Variants in RHOH observed in about 807,000 individuals in gnomAD.
RHOH encodes rho-related GTP-binding protein RhoH.
A neutral mutation model predicts 13.8 loss-of-function variants in RHOH; 6 were observed. The observed-to-expected ratio is 0.44, with a 90% CI of 0.24 to 0.86. RHOH has a LOEUF of 0.86. RHOH is among the 40% of genes least tolerant of loss of function. RHOH has a pLI of 0.24. For missense variants in RHOH, 147 were observed against 244.5 expected (o/e 0.60, Z 2.66); for synonymous variants, 117 against 103.0 (o/e 1.14, Z -0.82).
At chr4:40,193,383 C>T (rs372496109), upstream of RHOH, among the ~76,000 whole-genome samples, 3 of 151,892 alleles carry the variant, frequency 2.0e-5, no homozygotes, top group African/African-American at 7.2e-5. Flanking sequence ...GGCTTGGGTG[C>T]GTGTATGTCT....
At chr4:40,235,601 A>AG (rs1433472188) in intron 1 of RHOH, among the ~76,000 whole-genome samples, 1 of 147,906 alleles carries the variant, frequency 6.8e-6, no homozygotes, top group Non-Finnish European at 1.5e-5. Flanking sequence ...AAAAAAAAAA[A>AG]AAAAAAAGAA....
chr4:40,224,995 G>T (rs1439429730), intron 1 of RHOH, among the ~76,000 whole-genome samples: 1 of 152,072 alleles, frequency 6.6e-6, no homozygotes, highest in Non-Finnish European at 1.5e-5. Flanking sequence ...CTGCAGCCTT[G>T]ATCTCCTGGG....
At position 40,243,967 on chromosome 4, in the gene RHOH, C is replaced by A; in HGVS notation, c.*5C>A. ...AATGAGTGCAAGATCTTCTAAACCC[C>A]AAGAGACTTCACACAACACTTATGT... On this transcript the variant is annotated 3_prime_UTR_variant, in exon 3 of 3. Transcript: ENST00000381799. This position sits in a 1 kb window ranked among gnomAD's most constrained non-coding sequence, Gnocchi z 6.2. The A allele has an allele frequency of 6.2e-7, 1 of 1,602,810 alleles. No individual in the cohort carries two copies. The highest frequency in any genetic ancestry group is 1.7e-5 in the Admixed American group (1 of 58,708).
At chr4:40,193,273 A>G (rs945389512), upstream of RHOH, 1 of 152,052 alleles carries the variant, frequency 6.6e-6, no homozygotes, top group Non-Finnish European at 1.5e-5. Context: ...CGAACTGTGG[A>G]CCCATGGTTT....
At position 40,243,494 on chromosome 4, in the gene RHOH, A is replaced by G. The variant is rs1445184417; in HGVS notation, c.108A>G (p.Thr36=). Residue 36 remains threonine (T), a synonymous_variant, in exon 3 of 3, where the codon ACA becomes ACG. Transcript: ENST00000381799. This position sits in a 1 kb window ranked among gnomAD's most constrained non-coding sequence, Gnocchi z 6.2. ...CCTTCCCGGAGGCCTACAAGCCCAC[A>G]GTGTACGAGAACACAGGGGTGGACG... The part of the protein sequence containing the change: ...SETFPEAYKP[T]VYENTGVDVF... 2 of 1,613,670 alleles carry G rather than the reference A, an allele frequency of 1.2e-6. No homozygotes were observed. The highest frequency in any genetic ancestry group is 1.7e-6 in the Non-Finnish European group (2 of 1,179,960).
chr4:40,194,353 C>G (rs1171973412), upstream of RHOH, among the ~76,000 whole-genome samples: 2 of 152,016 alleles, frequency 1.3e-5, no homozygotes, highest in Non-Finnish European at 2.9e-5. Flanking sequence ...CTCAGCCTCT[C>G]GAGTAGCTGG....
chr4:40,221,411 G>C (rs868513927), intron 1 of RHOH, among the ~76,000 whole-genome samples: 1 of 152,170 alleles, frequency 6.6e-6, no homozygotes, highest in Non-Finnish European at 1.5e-5. Context: ...TGTTGAGCGA[G>C]TCTATCGGCA....
intron 1 of RHOH, among the ~76,000 whole-genome samples, chr4:40,219,894 G>A (rs978550879): frequency 6.6e-6 from 1 of 152,136 alleles, no homozygotes; most frequent in Non-Finnish European, 1.5e-5. Context: ...ATATAAAAAT[G>A]TGTGTGTAAT....
intron 1 of RHOH, among the ~76,000 whole-genome samples, chr4:40,208,804 C>T (rs1724937718): frequency 6.6e-6 from 1 of 151,870 alleles, no homozygotes; most frequent in African/African-American, 2.4e-5. Flanking sequence ...CTTAAAATGC[C>T]CAACAGAAAT....
rs969261660 is a variant in RHOH at position 40,242,788 on chromosome 4, T to A, written c.-256T>A. On this transcript the variant is annotated 5_prime_UTR_variant, in exon 2 of 3. Transcript: ENST00000381799. Reference sequence around the variant, plus strand: ...TCGGGGCCTTTGCCACTTCTTGGAGTAGAAGCCGACAGAGAGCTGTTTGGA... The same window carrying A: ...TCGGGGCCTTTGCCACTTCTTGGAGAAGAAGCCGACAGAGAGCTGTTTGGA... 5.9e-5 allele frequency: 9 copies of A among 152,236 alleles called. No homozygotes were observed. Among genetic ancestry groups the A allele is most frequent in the Admixed American group, 4.6e-4 (7 of 15,264 alleles). The allele number at this position is 152,236 out of a possible 1,614,324, so 9.4% of individuals were successfully genotyped here.
chr4:40,195,427 C>T (rs1723047750), upstream of RHOH, among the ~76,000 whole-genome samples: 3 of 142,718 alleles, frequency 2.1e-5, no homozygotes, highest in Non-Finnish European at 4.6e-5. Context: ...CCCTCCCCTT[C>T]TCTTCCTTTT....
chr4:40,243,469 C>T lies in RHOH; in HGVS notation c.83C>T (p.Thr28Ile). 2 of 1,613,968 alleles carry T rather than the reference C, an allele frequency of 1.2e-6. No homozygotes were observed. Among genetic ancestry groups the T allele is most frequent in the Non-Finnish European group, 1.7e-6 (2 of 1,179,940 alleles). ...TSLLVRFTSE[T>I]FPEAYKPTVY... ...CTGTTGGTGCGCTTCACCTCCGAGA[C>T]CTTCCCGGAGGCCTACAAGCCCACA... Residue 28 changes from threonine (T) to isoleucine (I), a missense_variant, in exon 3 of 3, where the codon ACC (threonine) becomes ATC (isoleucine). By Grantham distance (89) the Thr-to-Ile change is moderately conservative (BLOSUM62 -1). This residue lies in a region of RHOH where 80 missense variants were observed against 152.0 expected (regional missense o/e 0.53). Transcript: ENST00000381799. This position sits in a 1 kb window ranked among gnomAD's most constrained non-coding sequence, Gnocchi z 6.2.
chr4:40,217,101 T>C (rs1725980870), intron 1 of RHOH, among the ~76,000 whole-genome samples: 1 of 152,232 alleles, frequency 6.6e-6, no homozygotes, highest in African/African-American at 2.4e-5. Flanking sequence ...GAAAGAGACC[T>C]GCTCTGAGGA....
Position 40,200,955 on chromosome 4 carries a change from A to G in RHOH, c.-331+3655A>G, listed in dbSNP as rs939377699. Among the ~76,000 whole-genome samples, 11 of 152,342 alleles carry G rather than the reference A, an allele frequency of 7.2e-5. No individual in the cohort carries two copies. The South Asian group carries it at 1.9e-3, about 26-fold the overall frequency. On this transcript the variant is annotated intron_variant, in intron 1 of 2. Transcript: ENST00000381799. ...ATGTTCAAGTGCTTCTTAGAGCACA[A>G]GTTGAACCTTTCTTATCTCTGCACT...
intron 1 of RHOH, among the ~76,000 whole-genome samples, chr4:40,236,662 G>T (rs1225515968): frequency 6.6e-6 from 1 of 151,938 alleles, no homozygotes; most frequent in East Asian, 1.9e-4. Flanking sequence ...GTGGTGGTGT[G>T]CTCCCGTAGT....
upstream of RHOH, among the ~76,000 whole-genome samples, chr4:40,192,119 C>T (rs1274479627): frequency 6.6e-6 from 1 of 152,108 alleles, no homozygotes; most frequent in African/African-American, 2.4e-5. Flanking sequence ...TAGTTCCCAT[C>T]ATGAAATCTC....
chr4:40,225,668 G>A (rs2109478890), intron 1 of RHOH, among the ~76,000 whole-genome samples: 1 of 152,316 alleles, frequency 6.6e-6, no homozygotes, highest in African/African-American at 2.4e-5. Flanking sequence ...TTAAAATGCT[G>A]TAAGAAATCA....
At chr4:40,198,385 CAGATT>C (rs1184456977) in intron 1 of RHOH, among the ~76,000 whole-genome samples, 1 of 152,220 alleles carries the variant, frequency 6.6e-6, no homozygotes, top group African/African-American at 2.4e-5. Flanking sequence ...TGCAGGAAAT[CAGATT>C]AGACAGTTAG....
Position 40,243,078 on chromosome 4 carries a change from C to T in RHOH, c.-209-100C>T, listed in dbSNP as rs1579350935. On this transcript the variant is annotated intron_variant, in intron 2 of 2. Coordinates refer to ENST00000381799, the MANE Select transcript of RHOH (RefSeq NM_004310.5). This position sits in a 1 kb window ranked among gnomAD's most constrained non-coding sequence, Gnocchi z 6.2. ...GGGTTGGATGGCTACACTGAGATTA[C>T]CCCACATTTAATCAGTTTGCCAATG... The T allele has an allele frequency of 2.1e-5, 6 of 292,042 alleles. No individual in the cohort carries two copies. In the East Asian group the frequency reaches 3.5e-4, roughly 17 times the overall value. 18.1% of individuals were successfully genotyped at this position (292,042 alleles called of 1,614,324 possible).
Sources: gnomAD v4.1 joint callset for allele counts (sites outside exome capture counted in the v4.1 genomes callset) on GRCh38, gnomAD v4.1.1 for gene constraint, gnomAD v4.1.1 regional missense constraint, Gnocchi (gnomAD v3.1) non-coding constraint, MANE v1.5 for transcripts, NCBI Gene and HGNC (gene_info 2026-07-23, HGNC 2026-07-21) for gene names.